Variants in TMEM245 observed in about 807,000 individuals in gnomAD.
TMEM245 encodes the protein transmembrane protein 245.
A neutral mutation model predicts 101.2 loss-of-function variants in TMEM245; 69 were observed. The observed-to-expected ratio is 0.68, with a 90% CI of 0.56 to 0.83. The LOEUF (loss-of-function observed/expected upper bound fraction) is 0.83, where lower values mean the gene tolerates loss of function less well. TMEM245 is among the 40% of genes least tolerant of loss of function. TMEM245 has a pLI of 0.00. For synonymous variants in TMEM245, 537 were observed against 449.8 expected, an observed-to-expected ratio of 1.19 and a Z score of -2.45; for missense variants, 1,075 against 1,092.8, an observed-to-expected ratio of 0.98 and a Z score of 0.23.
At chr9:109,083,978 G>A (rs1379364055) in intron 7 of TMEM245, among the ~76,000 whole-genome samples, 1 of 147,390 alleles carries the variant, frequency 6.8e-6, no homozygotes, top group African/African-American at 2.5e-5. Flanking sequence ...TTAGGCGGCT[G>A]AGGTGGGAGG....
At chr9:109,105,128 T>C (rs1191420398) in intron 3 of TMEM245, among the ~76,000 whole-genome samples, 4 of 152,176 alleles carry the variant, frequency 2.6e-5, no homozygotes, top group Non-Finnish European at 4.4e-5. Flanking sequence ...ATCTAGAATA[T>C]GTAAAGAATT....
chr9:109,021,142 C>A (rs539780603), intron 17 of TMEM245, among the ~76,000 whole-genome samples: 12 of 152,342 alleles, frequency 7.9e-5, no homozygotes, highest in Admixed American at 7.8e-4. Context: ...CTGCTGCATA[C>A]ATGAAGTGTC....
rs983015113 is a variant in TMEM245, at chr9:109,017,519, G to C, written c.*2941C>G. 6.6e-6 allele frequency: 1 copy of C among 152,174 alleles called. No individual in the cohort carries two copies. Among genetic ancestry groups the C allele is most frequent in the East Asian group, 1.9e-4 (1 of 5,204 alleles). The allele number at this position is 152,174 out of a possible 1,614,324, so 9.4% of individuals were successfully genotyped here. On this transcript the variant is annotated 3_prime_UTR_variant, in exon 18 of 18. Coordinates refer to ENST00000374586, the MANE Select transcript of TMEM245 (RefSeq NM_032012.4). ...CATGCCTTCTCTCTCAGAAAAGAGA[G>C]GAGCATACCTGTGTGGAGAGCTTGT...
Position 109,083,916 on chromosome 9 carries a change from A to AAAAAAAC in TMEM245, c.1344+2080_1344+2081insGTTTTTT, listed in dbSNP as rs1829751489. Among the ~76,000 whole-genome samples the AAAAAAAC allele has an allele frequency of 1.1e-4, 15 of 132,584 alleles. No homozygotes were observed. In the East Asian group the frequency reaches 2.3e-3, roughly 20 times the overall value. 87.0% of individuals were successfully genotyped at this position (132,584 alleles called of 152,430 possible). ...ACTAAAAATACAAAAAAAAAAAAAA[A>AAAAAAAC]AAAAAAAAAAAAACACCAGGCATGG... On this transcript the variant is annotated intron_variant, in intron 7 of 17. Coordinates refer to ENST00000374586, the MANE Select transcript of TMEM245 (RefSeq NM_032012.4).
intron 3 of TMEM245, among the ~76,000 whole-genome samples, chr9:109,094,410 C>T (rs1433035448): frequency 6.6e-6 from 1 of 152,216 alleles, no homozygotes; most frequent in Non-Finnish European, 1.5e-5. Context: ...GCAGGTACAC[C>T]TGTGCAGGAC....
chr9:109,113,954 G>C (rs899628851), intron 1 of TMEM245, among the ~76,000 whole-genome samples: 24 of 152,070 alleles, frequency 1.6e-4, no homozygotes, highest in Non-Finnish European at 1.5e-5. Context: ...AGCCGGGCAT[G>C]GTGGCAGGCT....
intron 1 of TMEM245, 90 bp downstream of exon 1, chr9:109,119,245 G>T: frequency 7.9e-7 from 1 of 1,264,674 alleles, no homozygotes; most frequent in Non-Finnish European, 1.1e-6. Flanking sequence ...GCCCCTCGTC[G>T]CCCCTGCACC....
At chr9:109,024,419 A>C (rs1231793372) in intron 17 of TMEM245, among the ~76,000 whole-genome samples, 2 of 152,240 alleles carry the variant, frequency 1.3e-5, no homozygotes. Context: ...AGCACTTACT[A>C]TGCGCCAAGC....
intron 15 of TMEM245, among the ~76,000 whole-genome samples, chr9:109,037,371 A>G (rs140477397): frequency 6.6e-6 from 1 of 152,300 alleles, no homozygotes; most frequent in African/African-American, 2.4e-5. Flanking sequence ...ACATTCATTC[A>G]TTGAACAAAC....
Position 109,020,175 on chromosome 9 carries a change from T to G in TMEM245, c.*285A>C. 2.8e-6 allele frequency: 1 copy of G among 353,218 alleles called. No individual in the cohort carries two copies. Among genetic ancestry groups the G allele is most frequent in the Non-Finnish European group, 5.3e-6 (1 of 189,616 alleles). 21.9% of individuals were successfully genotyped at this position (353,218 alleles called of 1,614,324 possible). A position where few individuals can be genotyped will look rare whatever the true frequency, so the allele number is the denominator to read the frequency against. On this transcript the variant is annotated 3_prime_UTR_variant, in exon 18 of 18. Transcript: ENST00000374586. ...CATAGATAACCAAAGTGGAAAAATT[T>G]CAAGCCAGGGTACCAGTGTATAAAA...
intron 17 of TMEM245, among the ~76,000 whole-genome samples, chr9:109,030,408 A>G (rs77932211): frequency 0.026 from 4,004 of 152,352 alleles, 76 homozygotes; most frequent in South Asian, 0.047. Flanking sequence ...ACAAAGAGTT[A>G]AAAAGGTTTA....
rs765826706 is a variant in TMEM245 at position 109,108,444 on chromosome 9, G to T, written c.697+9C>A. On this transcript the variant is annotated intron_variant, in intron 2 of 17. Transcript: ENST00000374586. ...TTAAAAAAAAAAAAAAAAAAAAGAA[G>T]GAACCCACCTAAATGAAAAAGCAAT... is the stretch of plus-strand genomic sequence containing the variant. 3.8e-6 allele frequency: 5 copies of T among 1,301,608 alleles called. No individual in the cohort carries two copies. Among genetic ancestry groups the T allele is most frequent in the Non-Finnish European group, 5.1e-6 (5 of 974,390 alleles). 80.6% of individuals were successfully genotyped at this position (1,301,608 alleles called of 1,614,324 possible).
chr9:109,069,216 T>C (rs560490193), intron 9 of TMEM245, among the ~76,000 whole-genome samples: 17 of 152,302 alleles, frequency 1.1e-4, no homozygotes, highest in Admixed American at 2.0e-4. Flanking sequence ...TTTGATACAG[T>C]TGCAGAGAGA....
chr9:109,041,453 A>T (rs796437230), intron 14 of TMEM245, among the ~76,000 whole-genome samples: 42 of 83,256 alleles, frequency 5.0e-4, no homozygotes, highest in African/African-American at 1.5e-3. Context: ...CATCCTACAA[A>T]TTTTTTTTTT....
At chr9:109,028,333 A>G (rs1051852534) in intron 17 of TMEM245, among the ~76,000 whole-genome samples, 1 of 151,890 alleles carries the variant, frequency 6.6e-6, no homozygotes, top group African/African-American at 2.4e-5. Context: ...ACCTACCTGT[A>G]ATCCCCGCTA....
intron 12 of TMEM245, among the ~76,000 whole-genome samples, chr9:109,054,605 C>T (rs1019182769): frequency 6.6e-6 from 1 of 151,664 alleles, no homozygotes; most frequent in Non-Finnish European, 1.5e-5. Context: ...CACCTATTTA[C>T]AACAATATCC....
At chr9:109,085,506 T>C (rs905567577) in intron 7 of TMEM245, among the ~76,000 whole-genome samples, 2 of 152,222 alleles carry the variant, frequency 1.3e-5, no homozygotes, top group Non-Finnish European at 2.9e-5. Context: ...AAATAAATTT[T>C]GAAATACTAG....
At chr9:109,074,331 T>G (rs548083438) in intron 8 of TMEM245, among the ~76,000 whole-genome samples, 1 of 152,208 alleles carries the variant, frequency 6.6e-6, no homozygotes, top group South Asian at 2.1e-4. Flanking sequence ...CTGATACAAT[T>G]TGGAACTCAG....
chr9:109,087,343 C>A lies in TMEM245; in HGVS notation c.1151-1G>T. ...ATGACAAGCTTTTTGAGTATCCAGA[C>A]TAAAAAAAGACAAAAAATACATATA... is the stretch of plus-strand genomic sequence containing the variant. On this transcript the variant is annotated splice_acceptor_variant, in intron 5 of 17. Transcript: ENST00000374586. LOFTEE classifies it high-confidence loss of function. The A allele has an allele frequency of 6.3e-7, 1 of 1,581,246 alleles. No individual in the cohort carries two copies. The highest frequency in any genetic ancestry group is 8.5e-7 in the Non-Finnish European group (1 of 1,169,642).
Sources: allele counts gnomAD v4.1 joint callset (sites outside exome capture counted in the v4.1 genomes callset), GRCh38; gene constraint gnomAD v4.1.1; transcripts MANE v1.5; gene names NCBI Gene and HGNC (gene_info 2026-07-23, HGNC 2026-07-21).